AADACL2: variants seen among roughly 807,000 people sequenced by gnomAD.
AADACL2 encodes arylacetamide deacetylase like 2.
AADACL2 carries 23 observed loss-of-function variants against 22.3 expected under a neutral mutation model. The ratio of observed to expected loss-of-function variants is 1.03; its 90% CI spans 0.74 to 1.46. The LOEUF (loss-of-function observed/expected upper bound fraction) is 1.46. Ranked by LOEUF, AADACL2 falls within the 40% of genes most tolerant of loss-of-function variation. The pLI is 0.00. For synonymous variants in AADACL2, 177 were observed against 166.2 expected (o/e 1.07, Z -0.50); for missense variants, 472 against 482.9 (o/e 0.98, Z 0.21).
At chr3:151,748,646 T>G (rs892328757) in intron 4 of AADACL2, among the ~76,000 whole-genome samples, 3 of 152,204 alleles carry the variant, frequency 2.0e-5, no homozygotes, top group Non-Finnish European at 2.9e-5. Flanking sequence ...TCTGGCTTCC[T>G]TGGTTTCTCT....
Position 151,744,135 on chromosome 3 carries a change from C to T in AADACL2, c.404C>T (p.Thr135Met), listed in dbSNP as rs896211651. ...TTCCTGAATAGATGGACGGCAAACA[C>T]GCTTGATGCTGTTGTTGTAGGCGTG... The part of the protein sequence containing the change: ...FDFLNRWTAN[T>M]LDAVVVGVDY... Residue 135 changes from threonine (T) to methionine (M), a missense_variant, in exon 3 of 5, where the codon ACG (threonine) becomes ATG (methionine). Around this residue, in one of 3 missense-constraint regions of AADACL2, gnomAD observed 356 missense variants for 365.5 expected, o/e 0.97. Transcript: ENST00000356517. 8 of 1,613,562 alleles carry T rather than the reference C, an allele frequency of 5.0e-6. No homozygotes were observed. The highest frequency in any genetic ancestry group is 2.7e-5 in the African/African-American group (2 of 74,878).
Position 151,740,653 on chromosome 3 carries a change from G to A in AADACL2, c.146G>A (p.Cys49Tyr). 1 of 1,605,318 alleles carries A rather than the reference G, an allele frequency of 6.2e-7. No homozygotes were observed. The highest frequency in any genetic ancestry group is 8.5e-7 in the Non-Finnish European group (1 of 1,174,508). The stretch of plus-strand genomic sequence containing the variant: ...TTTGTTTTGTTCTTACAGGCTATGT[G>A]TTTTGAAAATATGCGTATTATGAGA... ...IAKTCTFTAM[C>Y]FENMRIMRYE... is the part of the protein sequence containing the mutation. Residue 49 changes from cysteine (C) to tyrosine (Y), a missense_variant, in exon 2 of 5, where the codon TGT (cysteine) becomes TAT (tyrosine). Around this residue, in one of 3 missense-constraint regions of AADACL2, gnomAD observed 356 missense variants for 365.5 expected, o/e 0.97. Coordinates refer to ENST00000356517, the MANE Select transcript of AADACL2 (RefSeq NM_207365.4).
At chr3:151,742,483 T>C (rs1228449258) in intron 2 of AADACL2, among the ~76,000 whole-genome samples, 1 of 152,070 alleles carries the variant, frequency 6.6e-6, no homozygotes, top group African/African-American at 2.4e-5. Context: ...GATTGGGAGA[T>C]AAAAATGAAG....
intron 1 of AADACL2, among the ~76,000 whole-genome samples, chr3:151,738,457 G>C (rs188411416): frequency 2.1e-3 from 322 of 152,266 alleles, no homozygotes; most frequent in African/African-American, 7.4e-3. Context: ...TGGAGAATCT[G>C]ATGATTATGT....
At position 151,761,094 on chromosome 3, in the gene AADACL2, TA is replaced by T. The variant is rs1021801966; in HGVS notation, c.*3501del. 39 of 148,968 alleles carry T rather than the reference TA, an allele frequency of 2.6e-4. No individual in the cohort carries two copies. The highest frequency in any genetic ancestry group is 8.9e-4 in the African/African-American group (36 of 40,654). 9.2% of individuals were successfully genotyped at this position (148,968 alleles called of 1,614,324 possible). On this transcript the variant is annotated 3_prime_UTR_variant, in exon 5 of 5. Transcript: ENST00000356517. ...GATATGTTTTATATATATGGTGAGA[TA>T]TATATATATTTTTTTATATATGGTG... is the stretch of plus-strand genomic sequence containing the variant.
At chr3:151,739,482 C>T (rs2107981407) in intron 1 of AADACL2, among the ~76,000 whole-genome samples, 1 of 152,312 alleles carries the variant, frequency 6.6e-6, no homozygotes, top group South Asian at 2.1e-4. Context: ...GGTCAGCGAA[C>T]CATTTGAGGA....
At chr3:151,755,929 A>G (rs1247417092) in intron 4 of AADACL2, among the ~76,000 whole-genome samples, 1 of 152,100 alleles carries the variant, frequency 6.6e-6, no homozygotes, top group Non-Finnish European at 1.5e-5. Context: ...TCTGTAAGAT[A>G]ACTTTGTTTT....
intron 4 of AADACL2, among the ~76,000 whole-genome samples, chr3:151,755,746 T>C (rs1276495290): frequency 1.3e-5 from 2 of 152,070 alleles, no homozygotes; most frequent in East Asian, 1.9e-4. Flanking sequence ...TCAGGCAAGG[T>C]TATTGATGGA....
intron 4 of AADACL2, 56 bp from the exon 5 acceptor site, chr3:151,756,936 T>C: frequency 6.7e-7 from 1 of 1,497,172 alleles, no homozygotes; most frequent in South Asian, 1.4e-5. Flanking sequence ...TTAAATTTTT[T>C]TTCTCCTGGT....
intron 1 of AADACL2, among the ~76,000 whole-genome samples, chr3:151,736,716 T>C (rs1243704318): frequency 3.9e-5 from 6 of 152,204 alleles, no homozygotes; most frequent in Non-Finnish European, 8.8e-5. Context: ...TCTTTATCTA[T>C]TCTATCATTG....
Position 151,740,736 on chromosome 3 carries a change from G to T in AADACL2, c.229G>T (p.Glu77Ter), listed in dbSNP as rs1713252699. The T allele has an allele frequency of 6.2e-7, 1 of 1,613,876 alleles. No individual in the cohort carries two copies. Among genetic ancestry groups the T allele is most frequent in the East Asian group, 2.2e-5 (1 of 44,826 alleles). The change falls in exon 2 of 5, where the codon GAA becomes TAA. Residue 77 changes from glutamate (E) to a stop codon, truncating the protein, a stop_gained. Transcript: ENST00000356517. LOFTEE classifies it high-confidence loss of function. ...RLDYTQPLSDEYITVTDTTFV... is the reference protein window; with the variant it reads ...RLDYTQPLSD ...GGATTATACCCAACCACTTTCAGAT[G>T]AATACATCACAGTGACTGATACAAC... is the stretch of plus-strand genomic sequence containing the variant.
rs1319198330 is a variant in AADACL2, at chr3:151,758,448, C to T, written c.*854C>T. The T allele has an allele frequency of 6.6e-6, 1 of 152,054 alleles. No homozygotes were observed. Among genetic ancestry groups the T allele is most frequent in the Non-Finnish European group, 1.5e-5 (1 of 68,000 alleles). The allele number at this position is 152,054 out of a possible 1,614,324, so 9.4% of individuals were successfully genotyped here. A position where few individuals can be genotyped will look rare whatever the true frequency, so the allele number is the denominator to read the frequency against. ...TTAATTGTATTTGCAGATTTCCCCACCCTTTTCTATATAAAGTAACCTTCA... is the reference window on the plus strand; with the variant it reads ...TTAATTGTATTTGCAGATTTCCCCATCCTTTTCTATATAAAGTAACCTTCA... On this transcript the variant is annotated 3_prime_UTR_variant, in exon 5 of 5. Transcript: ENST00000356517.
Position 151,740,657 on chromosome 3 carries a change from T to G in AADACL2, c.150T>G (p.Phe50Leu). The G allele has an allele frequency of 6.8e-6, 11 of 1,607,518 alleles. No homozygotes were observed. Among genetic ancestry groups the G allele is most frequent in the Non-Finnish European group, 9.4e-6 (11 of 1,176,110 alleles). Reference protein sequence around the residue: ...AKTCTFTAMCFENMRIMRYEE... With the variant: ...AKTCTFTAMCLENMRIMRYEE... ...TTTTGTTCTTACAGGCTATGTGTTT[T>G]GAAAATATGCGTATTATGAGATATG... is the stretch of plus-strand genomic sequence containing the variant. The change falls in exon 2 of 5, where the codon TTT becomes TTG. Residue 50 changes from phenylalanine to leucine, a missense_variant. This residue lies in a region of AADACL2 where 356 missense variants were observed against 365.5 expected (regional missense o/e 0.97). Transcript: ENST00000356517.
At chr3:151,747,287 C>T (rs1160853489) in intron 4 of AADACL2, among the ~76,000 whole-genome samples, 1 of 152,008 alleles carries the variant, frequency 6.6e-6, no homozygotes, top group Non-Finnish European at 1.5e-5. Context: ...ATTTCGAGTA[C>T]GCAGTATTAT....
rs765539809 is a variant in AADACL2 at position 151,757,610 on chromosome 3, G to A, written c.*16G>A. ...GAATTTATAAATATGTGATGTGTAT[G>A]TATAGCCCTTACATAGTGGATTGTA... On this transcript the variant is annotated 3_prime_UTR_variant, in exon 5 of 5. Coordinates refer to ENST00000356517, the MANE Select transcript of AADACL2 (RefSeq NM_207365.4). The A allele has an allele frequency of 5.9e-5, 93 of 1,580,056 alleles. No homozygotes were observed. Among genetic ancestry groups the A allele is most frequent in the Non-Finnish European group, 7.7e-5 (89 of 1,162,370 alleles).
At position 151,734,029 on chromosome 3, in the gene AADACL2, G is replaced by C; in HGVS notation, c.-7G>C. On this transcript the variant is annotated 5_prime_UTR_variant, in exon 1 of 5. Coordinates refer to ENST00000356517, the MANE Select transcript of AADACL2 (RefSeq NM_207365.4). Reference sequence around the variant, plus strand: ...AGTACTGTGAAGAAGCTGGAAAAAGGGATATTATGGGGCTAAAAGCTCTCT... The same window carrying C: ...AGTACTGTGAAGAAGCTGGAAAAAGCGATATTATGGGGCTAAAAGCTCTCT... The C allele has an allele frequency of 6.2e-7, 1 of 1,602,268 alleles. No homozygotes were observed. The highest frequency in any genetic ancestry group is 1.3e-5 in the African/African-American group (1 of 74,544).
intron 4 of AADACL2, among the ~76,000 whole-genome samples, chr3:151,755,849 G>C (rs2107991505): frequency 6.6e-6 from 1 of 152,172 alleles, no homozygotes; most frequent in African/African-American, 2.4e-5. Context: ...GTGGGCTATT[G>C]ATAGCAATCT....
rs892867185 is a variant in AADACL2 at position 151,761,178 on chromosome 3, T to C, written c.*3584T>C. 106 of 117,122 alleles carry C rather than the reference T, an allele frequency of 9.1e-4. No individual in the cohort carries two copies. The highest frequency in any genetic ancestry group is 5.6e-3 in the East Asian group (21 of 3,752). 7.3% of individuals were successfully genotyped at this position (117,122 alleles called of 1,614,324 possible). ...ATATATGGTGAGATATATATTTATA[T>C]ATATGGTGAGATATATACATATTGT... On this transcript the variant is annotated 3_prime_UTR_variant, in exon 5 of 5. Transcript: ENST00000356517.
chr3:151,740,383 C>T (rs1713239743), intron 1 of AADACL2, among the ~76,000 whole-genome samples: 1 of 152,254 alleles, frequency 6.6e-6, no homozygotes, highest in Non-Finnish European at 1.5e-5. Flanking sequence ...GCAGAAATCA[C>T]CTGCCTTCTG....
Sources: gnomAD v4.1 joint callset for allele counts (sites outside exome capture counted in the v4.1 genomes callset) on GRCh38, gnomAD v4.1.1 for gene constraint, gnomAD v4.1.1 regional missense constraint, MANE v1.5 for transcripts, NCBI Gene and HGNC (gene_info 2026-07-23, HGNC 2026-07-21) for gene names.